HELQ: variants seen among roughly 807,000 people sequenced by gnomAD.
HELQ encodes helicase, POLQ like, also known as helicase POLQ-like.
A neutral mutation model predicts 111.6 loss-of-function variants in HELQ; 77 were observed. The observed-to-expected ratio is 0.69, with a 90% CI of 0.57 to 0.83. The LOEUF (loss-of-function observed/expected upper bound fraction) is 0.83. Ranked by LOEUF, HELQ falls within the 40% of genes least tolerant of loss-of-function variation. HELQ has a pLI of 0.00. For missense variants in HELQ, 1,200 were observed against 1,288.5 expected (o/e 0.93, Z 1.05); for synonymous variants, 438 against 454.7 (o/e 0.96, Z 0.47).
chr4:83,413,944 G>A (rs1402254566), intron 17 of HELQ, among the ~76,000 whole-genome samples: 2 of 152,198 alleles, frequency 1.3e-5, no homozygotes, highest in African/African-American at 4.8e-5. Context: ...ACAGTTGCCT[G>A]AGACCCAAGT....
At chr4:83,412,777 T>C (rs1739170473) in intron 17 of HELQ, among the ~76,000 whole-genome samples, 1 of 152,080 alleles carries the variant, frequency 6.6e-6, no homozygotes, top group Non-Finnish European at 1.5e-5. Context: ...TGATCTATGA[T>C]TGTGCCATTG....
In HELQ at chr4:83,441,389, T is replaced by C. The variant is rs772113023; in HGVS notation, c.1578A>G (p.Glu526=). ...TSQFRPVELK[E]YLKINDTIYE... ...ATATTGTATCATTTATTTTCAGATA[T>C]TCTTTTAACTCAACCTTGAATTAAA... is the stretch of plus-strand genomic sequence containing the variant. The change falls in exon 7 of 18, where the codon GAA becomes GAG. Residue 526 remains glutamate, a synonymous_variant. Transcript: ENST00000295488. The C allele has an allele frequency of 6.6e-7, 1 of 1,509,490 alleles. No homozygotes were observed. Among genetic ancestry groups the C allele is most frequent in the Admixed American group, 1.8e-5 (1 of 56,574 alleles). The allele number at this position is 1,509,490 out of a possible 1,614,324, so 93.5% of individuals were successfully genotyped here.
Position 83,429,565 on chromosome 4 carries a change from T to C in HELQ, c.2477A>G (p.Tyr826Cys), listed in dbSNP as rs1439521899. The change falls in exon 12 of 18, where the codon TAT (tyrosine) becomes TGT (cysteine). Residue 826 changes from tyrosine to cysteine, a missense_variant. By Grantham distance (194) the Tyr-to-Cys change is radical (BLOSUM62 -2). Transcript: ENST00000295488. ...TIYKSEEEVQ[Y>C]NFHITKLGRA... ...TCCCAACTTTGTAATATGAAAATTA[T>C]ATTGGACCTCTTCTTCAGACTTATA... The C allele has an allele frequency of 2.9e-5, 46 of 1,611,646 alleles. No homozygotes were observed. Among genetic ancestry groups the C allele is most frequent in the Middle Eastern group, 1.9e-4 (1 of 5,386 alleles).
intron 5 of HELQ, among the ~76,000 whole-genome samples, chr4:83,444,102 A>C (rs1230148613): frequency 2.0e-5 from 3 of 152,162 alleles, no homozygotes; most frequent in Non-Finnish European, 4.4e-5. Context: ...TGAAGAATGA[A>C]ATTTTTCAGG....
Position 83,447,001 on chromosome 4 carries a change from C to A in HELQ, c.1226G>T (p.Gly409Val). Residue 409 changes from glycine to valine, a missense_variant, in exon 4 of 18, where the codon GGT becomes GTT. By Grantham distance (109) the Gly-to-Val change is moderately radical (BLOSUM62 -3). Coordinates refer to ENST00000295488, the MANE Select transcript of HELQ (RefSeq NM_133636.5). ...SGLSSFGIEL[G>V]FFVEEYAGSK... ...TCCAGCATATTCTTCAACAAAGAAA[C>A]CGAGTTCTATACCAAAACTTGACAA... is the stretch of plus-strand genomic sequence containing the variant. The A allele has an allele frequency of 6.2e-7, 1 of 1,613,558 alleles. No homozygotes were observed.
intron 1 of HELQ, 136 bp from the exon 2 acceptor site, chr4:83,454,081 G>A: frequency 1.5e-6 from 1 of 650,928 alleles, no homozygotes; most frequent in Non-Finnish European, 2.7e-6. Context: ...GCATGCTCCT[G>A]TAATCCCAGC....
At chr4:83,431,999 C>G (rs1720178776) in intron 10 of HELQ, 127 bp downstream of exon 10, 1 of 556,948 alleles carries the variant, frequency 1.8e-6, no homozygotes, top group African/African-American at 2.0e-5. Context: ...AATTCTTAAT[C>G]ATATAGGAAA....
Position 83,423,981 on chromosome 4 carries a change from T to TC in HELQ, c.2775+2012dup, listed in dbSNP as rs1719696392. Among the ~76,000 whole-genome samples the TC allele has an allele frequency of 3.3e-5, 5 of 152,230 alleles. No individual in the cohort carries two copies. The South Asian group carries it at 8.3e-4, about 25-fold the overall frequency. On this transcript the variant is annotated intron_variant, in intron 14 of 17. Coordinates refer to ENST00000295488, the MANE Select transcript of HELQ (RefSeq NM_133636.5). ...TTCAAAAAAGGTCAGGTGGGGGGCC[T>TC]CTTTTTCAATGTGGAGAAATCAATT...
At chr4:83,426,368 G>A (rs1414796293) in intron 13 of HELQ, among the ~76,000 whole-genome samples, 2 of 151,670 alleles carry the variant, frequency 1.3e-5, no homozygotes. Flanking sequence ...GAGAAGGAAA[G>A]GTTTGAGAGT....
intron 2 of HELQ, among the ~76,000 whole-genome samples, chr4:83,452,729 G>A (rs559883080): frequency 3.3e-5 from 5 of 152,266 alleles, no homozygotes; most frequent in Admixed American, 2.0e-4. Flanking sequence ...AATAGCATCA[G>A]GTAAGTTATT....
chr4:83,434,909 G>A (rs974838134), intron 9 of HELQ, among the ~76,000 whole-genome samples: 3 of 152,024 alleles, frequency 2.0e-5, no homozygotes, highest in African/African-American at 7.2e-5. Flanking sequence ...AAGGAACAGA[G>A]ATAATGGGAA....
intron 17 of HELQ, 144 bp from the exon 18 acceptor site, chr4:83,407,704 C>T: frequency 1.6e-6 from 1 of 606,156 alleles, no homozygotes; most frequent in Non-Finnish European, 2.9e-6. Context: ...AAAATGGCCA[C>T]TTAAGAATAA....
chr4:83,455,875 G>A (rs1721773789), upstream of HELQ: 1 of 773,272 alleles, frequency 1.3e-6, no homozygotes, highest in Non-Finnish European at 2.1e-6. Context: ...CCAATCATAA[G>A]CCTCACGTGA....
intron 5 of HELQ, 62 bp from the exon 6 acceptor site, chr4:83,443,676 A>G: frequency 1.5e-6 from 1 of 652,266 alleles, no homozygotes; most frequent in East Asian, 2.9e-5. Flanking sequence ...ATATATCATA[A>G]AGTAATTTTA....
intron 17 of HELQ, 81 bp downstream of exon 17, chr4:83,416,650 T>C: frequency 2.2e-6 from 3 of 1,341,496 alleles, no homozygotes; most frequent in Non-Finnish European, 3.1e-6. Context: ...CAATGTGAAA[T>C]GTTTTTGTTC....
chr4:83,434,635 T>C lies in HELQ; in HGVS notation c.2048+2223A>G, dbSNP rs552607570. On this transcript the variant is annotated intron_variant, in intron 9 of 17. Coordinates refer to ENST00000295488, the MANE Select transcript of HELQ (RefSeq NM_133636.5). ...ATGCCACCATGCCCAGCTAAGTTTTTAATTTTTTAGTAGAGATGAGGTCTT... is the reference window on the plus strand; with the variant it reads ...ATGCCACCATGCCCAGCTAAGTTTTCAATTTTTTAGTAGAGATGAGGTCTT... 2.0e-5 allele frequency among the ~76,000 whole-genome samples: 3 copies of C among 152,064 alleles called. No homozygotes were observed. The East Asian group carries it at 5.8e-4, about 30-fold the overall frequency.
intron 8 of HELQ, among the ~76,000 whole-genome samples, chr4:83,437,800 GT>G (rs928524397): frequency 6.6e-6 from 1 of 151,804 alleles, no homozygotes; most frequent in African/African-American, 2.4e-5. Context: ...ATAGGGGATA[GT>G]TTTTTTAAAG....
At chr4:83,439,173 T>G (rs993386683) in intron 8 of HELQ, among the ~76,000 whole-genome samples, 1 of 152,036 alleles carries the variant, frequency 6.6e-6, no homozygotes, top group African/African-American at 2.4e-5. Context: ...GTTCAAGTGA[T>G]TCTCCCGCCT....
intron 5 of HELQ, among the ~76,000 whole-genome samples, chr4:83,445,191 C>G (rs762014446): frequency 6.6e-6 from 1 of 152,116 alleles, no homozygotes; most frequent in African/African-American, 2.4e-5. Context: ...TCAGACTAAG[C>G]CTTAGTTAGG....
Sources: gnomAD v4.1 joint callset for allele counts (sites outside exome capture counted in the v4.1 genomes callset) on GRCh38, gnomAD v4.1.1 for gene constraint, MANE v1.5 for transcripts, NCBI Gene and HGNC (gene_info 2026-07-23, HGNC 2026-07-21) for gene names.